Variants in CPXM2 observed in about 807,000 individuals in gnomAD.
CPXM2 encodes the protein carboxypeptidase X, M14 family member 2, also known as inactive carboxypeptidase-like protein X2.
Under a neutral mutation model 86.1 loss-of-function variants are expected in CPXM2, and 66 were observed. That is an observed-to-expected ratio of 0.77 (90% CI 0.63 to 0.94). The LOEUF (loss-of-function observed/expected upper bound fraction) is 0.94, where lower values mean the gene tolerates loss of function less well. CPXM2 is among the 40% of genes least tolerant of loss of function. CPXM2 has a pLI of 0.00. For synonymous variants in CPXM2, 388 were observed against 400.2 expected (o/e 0.97, Z 0.36); for missense variants, 948 against 1,026.3 (o/e 0.92, Z 1.04).
intron 3 of CPXM2, among the ~76,000 whole-genome samples, chr10:123,849,085 G>T (rs1435601977): frequency 6.6e-6 from 1 of 152,178 alleles, no homozygotes; most frequent in Non-Finnish European, 1.5e-5. Context: ...TTAGCCCATT[G>T]ACAGATGTTC....
Position 123,891,483 on chromosome 10 carries a change from C to T in CPXM2, c.177G>A (p.Pro59=), listed in dbSNP as rs762259983. Residue 59 remains proline, a synonymous_variant, in exon 1 of 14, where the codon CCG becomes CCA. Transcript: ENST00000241305. This position sits in a 1 kb window ranked among gnomAD's most constrained non-coding sequence, Gnocchi z 5.6. Reference sequence around the variant, plus strand: ...CCTCCCCGGGCCCCGCAGGCAGCGGCGGAGAGAAGGTCTCGAGCTCGGGCT... The same window carrying T: ...CCTCCCCGGGCCCCGCAGGCAGCGGTGGAGAGAAGGTCTCGAGCTCGGGCT... ...RPEPELETFS[P]PLPAGPGEEW... 3.9e-6 allele frequency: 6 copies of T among 1,548,128 alleles called. No individual in the cohort carries two copies. The highest frequency in any genetic ancestry group is 5.2e-6 in the Non-Finnish European group (6 of 1,145,536).
intron 4 of CPXM2, among the ~76,000 whole-genome samples, chr10:123,833,048 A>C (rs1247850188): frequency 6.6e-6 from 1 of 152,180 alleles, no homozygotes; most frequent in Non-Finnish European, 1.5e-5. Context: ...ACCTGCCAGC[A>C]CTTCGATCTT....
chr10:123,793,321 G>A (rs1161603201), intron 6 of CPXM2, among the ~76,000 whole-genome samples: 7 of 151,950 alleles, frequency 4.6e-5, no homozygotes, highest in South Asian at 2.1e-4. Context: ...AAAATTAGCC[G>A]GGTGTGGTGG....
At chr10:123,937,466 A>AC (rs1564826828) in intron 2 of CPXM2, among the ~76,000 whole-genome samples, 35 of 103,906 alleles carry the variant, frequency 3.4e-4, no homozygotes, top group African/African-American at 1.2e-3. Flanking sequence ...CAAGACAACA[A>AC]AACAACACAC....
At position 123,842,261 on chromosome 10, in the gene CPXM2, T is replaced by G; in HGVS notation, c.653+88A>C. Reference sequence around the variant, plus strand: ...TCTACTGCCCATCACCAAACACCTCTCTGCAACTTCCAGACCTGTGTCTGT... The same window carrying G: ...TCTACTGCCCATCACCAAACACCTCGCTGCAACTTCCAGACCTGTGTCTGT... On this transcript the variant is annotated intron_variant, in intron 4 of 13. Coordinates refer to ENST00000241305, the MANE Select transcript of CPXM2 (RefSeq NM_198148.3). 5.8e-6 allele frequency: 9 copies of G among 1,549,722 alleles called. 1 individual carries two copies. In the South Asian group the frequency reaches 9.5e-5, roughly 16 times the overall value.
At chr10:123,824,399 T>A (rs1038061656) in intron 4 of CPXM2, among the ~76,000 whole-genome samples, 4 of 152,306 alleles carry the variant, frequency 2.6e-5, no homozygotes, top group East Asian at 1.9e-4. Context: ...CTTACAAAAA[T>A]CATAGGCTCA....
chr10:123,794,013 T>C (rs1847267897), intron 6 of CPXM2, among the ~76,000 whole-genome samples: 1 of 152,168 alleles, frequency 6.6e-6, no homozygotes, highest in African/African-American at 2.4e-5. Flanking sequence ...AAATAGCTTT[T>C]CAATAATTAT....
chr10:123,879,835 G>T (rs186457746), intron 2 of CPXM2, among the ~76,000 whole-genome samples: 1 of 152,240 alleles, frequency 6.6e-6, no homozygotes, highest in Admixed American at 6.5e-5. Context: ...AGGCTCCTGG[G>T]TCAGGTTGGG....
exon 2 of CPXM2, chr10:123,939,514 A>G (rs1289648567): frequency 6.6e-6 from 1 of 152,220 alleles, no homozygotes; most frequent in African/African-American, 2.4e-5. Flanking sequence ...GAACTGCCTC[A>G]GCCTCAGTTT....
In CPXM2 at chr10:123,837,439, A is replaced by G. The variant is rs114627449; in HGVS notation, c.653+4910T>C. On this transcript the variant is annotated intron_variant, in intron 4 of 13. Coordinates refer to ENST00000241305, the MANE Select transcript of CPXM2 (RefSeq NM_198148.3). ...ATCATTTTGTCGATTAAAGAGTTAA[A>G]ATTGAAAAGATTTGGTTACTTCAAA... 6.4e-3 allele frequency among the ~76,000 whole-genome samples: 982 copies of G among 152,316 alleles called. 7 individuals carry two copies. The highest frequency in any genetic ancestry group is 0.023 in the African/African-American group (939 of 41,568).
intron 4 of CPXM2, among the ~76,000 whole-genome samples, chr10:123,830,352 G>C (rs1848138186): frequency 1.3e-5 from 2 of 152,144 alleles, no homozygotes; most frequent in African/African-American, 4.8e-5. Context: ...TTGCTGGTTA[G>C]ACCTTCTCCC....
intron 7 of CPXM2, among the ~76,000 whole-genome samples, chr10:123,775,947 A>G (rs751031030): frequency 6.6e-5 from 10 of 152,248 alleles, no homozygotes; most frequent in Non-Finnish European, 1.3e-4. Context: ...GTAAAGGAAT[A>G]CATTTCTTCT....
At chr10:123,938,038 ATG>A (rs1328231493) in intron 2 of CPXM2, among the ~76,000 whole-genome samples, 2 of 152,108 alleles carry the variant, frequency 1.3e-5, no homozygotes, top group Admixed American at 1.3e-4. Context: ...CACCAAGAAA[ATG>A]AGTTTCTAGA....
chr10:123,767,186 G>C (rs1309782602), intron 9 of CPXM2, 34 bp from the exon 10 acceptor site: 7 of 1,597,198 alleles, frequency 4.4e-6, no homozygotes, highest in Non-Finnish European at 6.0e-6. Context: ...GAATGCACAG[G>C]CTGCAGGACA....
intron 2 of CPXM2, chr10:123,914,074 G>T (rs1444583229): frequency 2.1e-6 from 1 of 482,376 alleles, no homozygotes; most frequent in Non-Finnish European, 4.2e-6. Flanking sequence ...GACCTCTTTG[G>T]CATGGAGCAT....
rs573651187 is a variant in CPXM2, at chr10:123,891,459, C to A, written c.201G>T (p.Glu67Asp). The change falls in exon 1 of 14, where the codon GAG (glutamate) becomes GAT (aspartate). Residue 67 changes from glutamate to aspartate, a missense_variant. Physicochemically the swap from Glu to Asp is conservative, Grantham distance 45 (BLOSUM62 2). Transcript: ENST00000241305. This position sits in a 1 kb window ranked among gnomAD's most constrained non-coding sequence, Gnocchi z 5.6. ...FSPPLPAGPG[E>D]EWERRPQEPR... is the part of the protein sequence containing the mutation. ...GCTCCTGCGGGCGCCGCTCCCACTCCTCCCCGGGCCCCGCAGGCAGCGGCG... is the reference window on the plus strand; with the variant it reads ...GCTCCTGCGGGCGCCGCTCCCACTCATCCCCGGGCCCCGCAGGCAGCGGCG... 7.4e-5 allele frequency: 115 copies of A among 1,550,232 alleles called. No homozygotes were observed. Among genetic ancestry groups the A allele is most frequent in the Non-Finnish European group, 9.6e-5 (110 of 1,146,696 alleles).
chr10:123,821,765 TA>T (rs1847928910), intron 4 of CPXM2, among the ~76,000 whole-genome samples: 1 of 152,192 alleles, frequency 6.6e-6, no homozygotes, highest in Non-Finnish European at 1.5e-5. Context: ...AAAAACCTCC[TA>T]AAATGCATTA....
chr10:123,753,999 A>C (rs1311240494), intron 13 of CPXM2, among the ~76,000 whole-genome samples: 1 of 152,238 alleles, frequency 6.6e-6, no homozygotes, highest in Non-Finnish European at 1.5e-5. Flanking sequence ...GATGGAGTTA[A>C]ATGACAGAGC....
chr10:123,814,526 T>G (rs755372611), intron 4 of CPXM2, among the ~76,000 whole-genome samples: 2 of 152,214 alleles, frequency 1.3e-5, no homozygotes, highest in Non-Finnish European at 2.9e-5. Context: ...CTATTAGTTC[T>G]GTCCCTCTAG....
Sources: allele counts gnomAD v4.1 joint callset (sites outside exome capture counted in the v4.1 genomes callset), GRCh38; gene constraint gnomAD v4.1.1; non-coding constraint Gnocchi (gnomAD v3.1); transcripts MANE v1.5; gene names NCBI Gene and HGNC (gene_info 2026-07-23, HGNC 2026-07-21).